DOCK3: variants seen among roughly 807,000 people sequenced by gnomAD.
DOCK3 encodes dedicator of cytokinesis 3, also known as dedicator of cytokinesis protein 3.
DOCK3 carries 60 observed loss-of-function variants against 265.6 expected under a neutral mutation model. The observed-to-expected ratio is 0.23, with a 90% CI of 0.18 to 0.28. The LOEUF (loss-of-function observed/expected upper bound fraction) is 0.28, where lower values mean the gene tolerates loss of function less well. Among genes scored for constraint, DOCK3 ranks in the 10% least tolerant of loss-of-function variants. DOCK3 has a pLI of 1.00. For synonymous variants in DOCK3, 881 were observed against 938.0 expected, an observed-to-expected ratio of 0.94 and a Z score of 1.11; for missense variants, 1,981 against 2,594.3, an observed-to-expected ratio of 0.76 and a Z score of 5.14.
At position 50,826,888 on chromosome 3, in the gene DOCK3, A is replaced by G. The variant is rs9846448; in HGVS notation, c.122-14787A>G. Among the ~76,000 whole-genome samples, 453 of 152,310 alleles carry G rather than the reference A, an allele frequency of 3.0e-3. 3 individuals are homozygous for G. Among genetic ancestry groups the G allele is most frequent in the African/African-American group, 9.8e-3 (408 of 41,570 alleles). On this transcript the variant is annotated intron_variant, in intron 2 of 52. Coordinates refer to ENST00000266037, the MANE Select transcript of DOCK3 (RefSeq NM_004947.5). ...GATACAATTAGGGATCAGCTTCAAG[A>G]GGTGCATTATTTGGTGGGGATTCAG...
Position 51,374,503 on chromosome 3 carries a change from C to T in DOCK3, c.5328C>T (p.Ala1776=), listed in dbSNP as rs1273777674. The T allele has an allele frequency of 6.2e-7, 1 of 1,613,790 alleles. No homozygotes were observed. The highest frequency in any genetic ancestry group is 8.5e-7 in the Non-Finnish European group (1 of 1,179,826). Reference sequence around the variant, plus strand: ...CTCTGCCAGATAAGTACCGCCATGCCCGTGAAATGATGTTGTTGCTGCCCA... The same window carrying T: ...CTCTGCCAGATAAGTACCGCCATGCTCGTGAAATGATGTTGTTGCTGCCCA... The part of the protein sequence containing the change: ...SPSLPDKYRH[A]REMMLLLPTY... The change falls in exon 50 of 53, where the codon GCC becomes GCT. Residue 1776 remains alanine (A), a synonymous_variant. Transcript: ENST00000266037. The surrounding 1 kb of genome is among the most constrained non-coding windows in gnomAD (Gnocchi z 4.8).
intron 26 of DOCK3, chr3:51,278,154 C>G: frequency 2.0e-6 from 2 of 985,398 alleles, no homozygotes. Flanking sequence ...ATAATTTTCT[C>G]AGAATTGGCT....
intron 6 of DOCK3, among the ~76,000 whole-genome samples, chr3:51,075,099 A>G (rs913784333): frequency 3.3e-5 from 5 of 152,208 alleles, no homozygotes; most frequent in Non-Finnish European, 7.3e-5. Flanking sequence ...GCATGCTGAT[A>G]TAATGTAATA....
intron 21 of DOCK3, among the ~76,000 whole-genome samples, chr3:51,244,528 T>A (rs1211391515): frequency 6.6e-6 from 1 of 152,212 alleles, no homozygotes; most frequent in Non-Finnish European, 1.5e-5. Context: ...TTGTGTTGAT[T>A]TTGTGTCCTG....
intron 1 of DOCK3, among the ~76,000 whole-genome samples, chr3:50,767,584 A>ATTGTC (rs1490447169): frequency 1.3e-5 from 2 of 151,998 alleles, no homozygotes; most frequent in Non-Finnish European, 2.9e-5. Flanking sequence ...GTGGCTTAGG[A>ATTGTC]TTGTCTTGGC....
At chr3:50,876,253 T>A (rs1393988817) in intron 3 of DOCK3, among the ~76,000 whole-genome samples, 1 of 152,148 alleles carries the variant, frequency 6.6e-6, no homozygotes, top group African/African-American at 2.4e-5. Context: ...ATTAGTTTTA[T>A]TTGCCTCCCA....
intron 5 of DOCK3, among the ~76,000 whole-genome samples, chr3:51,041,159 A>AATGT (rs1559977060): frequency 2.7e-5 from 2 of 73,886 alleles, no homozygotes; most frequent in South Asian, 1.3e-3. Flanking sequence ...AGCCTTACAA[A>AATGT]ATGTATATAT....
At chr3:50,950,360 T>TG (rs2076557093) in intron 5 of DOCK3, among the ~76,000 whole-genome samples, 1 of 152,190 alleles carries the variant, frequency 6.6e-6, no homozygotes, top group African/African-American at 2.4e-5. Flanking sequence ...GAACTCTAAG[T>TG]GTAGTAATGC....
chr3:51,347,601 A>G (rs1356895373), intron 38 of DOCK3, among the ~76,000 whole-genome samples: 1 of 152,218 alleles, frequency 6.6e-6, no homozygotes, highest in Admixed American at 6.5e-5. Context: ...CTTTTTGCTT[A>G]GGATTGTCTT....
chr3:51,267,600 A>T (rs1462825909), intron 23 of DOCK3, among the ~76,000 whole-genome samples: 2 of 152,000 alleles, frequency 1.3e-5, no homozygotes, highest in Non-Finnish European at 2.9e-5. Flanking sequence ...TTGCCAGGCT[A>T]GTCTCGAACT....
intron 4 of DOCK3, among the ~76,000 whole-genome samples, chr3:50,928,895 A>G (rs1433525328): frequency 6.6e-6 from 1 of 152,208 alleles, no homozygotes; most frequent in Non-Finnish European, 1.5e-5. Flanking sequence ...TACTGTCAGT[A>G]CAGTGTTCAA....
intron 12 of DOCK3, among the ~76,000 whole-genome samples, chr3:51,175,928 T>C (rs535931627): frequency 6.6e-6 from 1 of 152,310 alleles, no homozygotes; most frequent in South Asian, 2.1e-4. Context: ...ATGTCCATTA[T>C]CAAACAGTGT....
At chr3:51,354,331 G>A (rs2086215046) in intron 40 of DOCK3, among the ~76,000 whole-genome samples, 2 of 150,310 alleles carry the variant, frequency 1.3e-5, no homozygotes, top group Admixed American at 6.6e-5. Flanking sequence ...ACCCTGTCCC[G>A]GGAAGCATAT....
chr3:50,904,126 T>C (rs1575490612), intron 4 of DOCK3, among the ~76,000 whole-genome samples: 1 of 152,238 alleles, frequency 6.6e-6, no homozygotes, highest in African/African-American at 2.4e-5. Context: ...TATTCCATGG[T>C]GTATATGTGC....
chr3:50,811,466 A>G (rs1278229787), intron 2 of DOCK3, among the ~76,000 whole-genome samples: 1 of 152,116 alleles, frequency 6.6e-6, no homozygotes, highest in East Asian at 1.9e-4. Context: ...AGAAAGAAAA[A>G]GAGTCATTCA....
chr3:50,735,246 T>G (rs1020709045), intron 1 of DOCK3, among the ~76,000 whole-genome samples: 5 of 152,264 alleles, frequency 3.3e-5, no homozygotes, highest in African/African-American at 1.2e-4. Context: ...TCTTTGACTT[T>G]TGAGAACTTG....
intron 12 of DOCK3, 46 bp downstream of exon 12, chr3:51,160,748 A>AT (rs1234080610): frequency 6.3e-7 from 1 of 1,590,152 alleles, no homozygotes; most frequent in East Asian, 2.2e-5. Flanking sequence ...AGCATAAGAC[A>AT]TCCCAGCACT....
chr3:50,836,292 GC>G (rs1485005833), intron 2 of DOCK3, among the ~76,000 whole-genome samples: 1 of 152,206 alleles, frequency 6.6e-6, no homozygotes, highest in African/African-American at 2.4e-5. Flanking sequence ...TGAGGGCTCT[GC>G]CCCTGCAGCA....
At chr3:51,269,413 T>C (rs6796847) in intron 23 of DOCK3, among the ~76,000 whole-genome samples, 124,873 of 151,972 alleles carry the variant, frequency 0.82, 51,898 homozygotes, top group Middle Eastern at 0.9. Flanking sequence ...AAGCTGCCAA[T>C]GATATGTTTT....
Sources: gnomAD v4.1 joint callset for allele counts (sites outside exome capture counted in the v4.1 genomes callset) on GRCh38, gnomAD v4.1.1 for gene constraint, Gnocchi (gnomAD v3.1) non-coding constraint, MANE v1.5 for transcripts, NCBI Gene and HGNC (gene_info 2026-07-23, HGNC 2026-07-21) for gene names.